Variants in SAMD12 observed in about 807,000 individuals in gnomAD.
SAMD12 encodes the protein sterile alpha motif domain-containing protein 12.
A neutral mutation model predicts 15.0 loss-of-function variants in SAMD12; 9 were observed. The ratio of observed to expected loss-of-function variants is 0.60; its 90% CI spans 0.36 to 1.05. SAMD12 has a LOEUF of 1.05. SAMD12 is among the 50% of genes least tolerant of loss of function. SAMD12 has a pLI of 0.01. For synonymous variants in SAMD12, 86 were observed against 90.1 expected (o/e 0.96, Z 0.25); for missense variants, 230 against 234.2 (o/e 0.98, Z 0.12).
chr8:118,424,579 C>T (rs934054227), intron 3 of SAMD12, among the ~76,000 whole-genome samples: 1 of 152,168 alleles, frequency 6.6e-6, no homozygotes, highest in East Asian at 1.9e-4. Context: ...CATTACCCTA[C>T]AGTTAATATG....
chr8:118,197,636 G>C, exon 5 of SAMD12: 1 of 1,217,868 alleles, frequency 8.2e-7, no homozygotes, highest in Non-Finnish European at 1.2e-6. Context: ...CAGTGCCATG[G>C]GTTAGTCTTT....
chr8:118,600,305 A>T (rs1827828197), intron 1 of SAMD12, among the ~76,000 whole-genome samples: 1 of 152,110 alleles, frequency 6.6e-6, no homozygotes, highest in African/African-American at 2.4e-5. Context: ...AACTACATTT[A>T]GAGTATCTTG....
chr8:118,576,087 C>G (rs141534309), intron 2 of SAMD12, among the ~76,000 whole-genome samples: 9 of 152,022 alleles, frequency 5.9e-5, no homozygotes, highest in African/African-American at 2.2e-4. Context: ...CATCTTATTC[C>G]TATACCCAGA....
At chr8:118,239,432 A>G (rs1341307822) in intron 4 of SAMD12, among the ~76,000 whole-genome samples, 1 of 152,100 alleles carries the variant, frequency 6.6e-6, no homozygotes, top group East Asian at 1.9e-4. Context: ...TAACAAAACT[A>G]CCAAGACTCT....
chr8:118,421,934 T>C (rs1822013948), intron 3 of SAMD12, among the ~76,000 whole-genome samples: 1 of 152,132 alleles, frequency 6.6e-6, no homozygotes, highest in African/African-American at 2.4e-5. Flanking sequence ...AGATCCAAAA[T>C]AGGAGTTCTT....
intron 2 of SAMD12, among the ~76,000 whole-genome samples, chr8:118,506,747 G>A (rs1291233595): frequency 6.6e-6 from 1 of 151,160 alleles, no homozygotes; most frequent in Non-Finnish European, 1.5e-5. Flanking sequence ...AGCCAATTTA[G>A]AACATGTTAG....
At chr8:118,422,265 T>C (rs1263347558) in intron 3 of SAMD12, among the ~76,000 whole-genome samples, 2 of 152,208 alleles carry the variant, frequency 1.3e-5, no homozygotes, top group Non-Finnish European at 2.9e-5. Flanking sequence ...AATTTCTACC[T>C]TAGAGAAGTT....
At chr8:118,362,697 G>T (rs754105661) in intron 4 of SAMD12, among the ~76,000 whole-genome samples, 74 of 152,150 alleles carry the variant, frequency 4.9e-4, no homozygotes, top group Non-Finnish European at 9.6e-4. Context: ...TTCTTACATA[G>T]CAGATACTTC....
At chr8:118,283,146 A>T (rs1263591047) in intron 4 of SAMD12, among the ~76,000 whole-genome samples, 1 of 152,136 alleles carries the variant, frequency 6.6e-6, no homozygotes, top group East Asian at 1.9e-4. Context: ...TTTTTTTATT[A>T]TACTTTAAGT....
At chr8:118,199,854 A>C (rs1165615606) in intron 4 of SAMD12, among the ~76,000 whole-genome samples, 2 of 152,194 alleles carry the variant, frequency 1.3e-5, no homozygotes, top group African/African-American at 2.4e-5. Context: ...TATTAACCCA[A>C]GATCACACAG....
chr8:118,546,847 G>A (rs554548375), intron 2 of SAMD12, among the ~76,000 whole-genome samples: 5 of 152,296 alleles, frequency 3.3e-5, no homozygotes, highest in South Asian at 4.1e-4. Flanking sequence ...GTGCCTGGAA[G>A]AGAACAGAAG....
chr8:118,482,193 G>GTATTTTAGCATTAAATTAA (rs1824145492), intron 2 of SAMD12, among the ~76,000 whole-genome samples: 3 of 152,130 alleles, frequency 2.0e-5, no homozygotes, highest in Admixed American at 2.0e-4. Context: ...TACATGAAAT[G>GTATTTTAGCATTAAATTAA]AGCACTTAAT....
At chr8:118,385,870 CAAG>C (rs1291530160) in intron 3 of SAMD12, among the ~76,000 whole-genome samples, 1 of 152,126 alleles carries the variant, frequency 6.6e-6, no homozygotes, top group Admixed American at 6.5e-5. Context: ...TTGGTTAAAA[CAAG>C]AAGAAGAAAC....
intron 2 of SAMD12, among the ~76,000 whole-genome samples, chr8:118,529,173 G>A (rs563289914): frequency 6.6e-6 from 1 of 152,174 alleles, no homozygotes; most frequent in African/African-American, 2.4e-5. Flanking sequence ...TATACCAGGA[G>A]TTCAAGTTTT....
At chr8:118,145,425 A>G in the SAMD12 span, among the ~76,000 whole-genome samples, 1 of 152,242 alleles carries the variant, frequency 6.6e-6, no homozygotes, top group Non-Finnish European at 1.5e-5. Context: ...AATGTTGAAC[A>G]CTATCTTGAG....
At chr8:118,621,472 G>A in intron 1 of SAMD12, 2 of 400,076 alleles carry the variant, frequency 5.0e-6, no homozygotes, top group Non-Finnish European at 9.1e-6. Flanking sequence ...AGGGGGCAGG[G>A]AAAAAGGGCA....
At chr8:118,221,441 TG>T (rs1488575090) in intron 4 of SAMD12, among the ~76,000 whole-genome samples, 1 of 152,084 alleles carries the variant, frequency 6.6e-6, no homozygotes, top group Non-Finnish European at 1.5e-5. Context: ...TTTCTGGACG[TG>T]AGTTTTGTTT....
At chr8:118,188,255 C>A (rs1432292824), downstream of SAMD12, among the ~76,000 whole-genome samples, 2 of 151,910 alleles carry the variant, frequency 1.3e-5, no homozygotes, top group Non-Finnish European at 2.9e-5. Context: ...AGAAATGATC[C>A]CAAAAGGTTA....
At chr8:118,556,203 A>C (rs1268067373) in intron 2 of SAMD12, among the ~76,000 whole-genome samples, 2 of 152,340 alleles carry the variant, frequency 1.3e-5, no homozygotes, top group East Asian at 3.9e-4. Context: ...TTAATAAACA[A>C]GTGTCAAAGA....
Sources: gnomAD v4.1 joint callset for allele counts (sites outside exome capture counted in the v4.1 genomes callset) on GRCh38, gnomAD v4.1.1 for gene constraint, MANE v1.5 for transcripts, NCBI Gene and HGNC (gene_info 2026-07-23, HGNC 2026-07-21) for gene names.